Variants in ZFYVE26 observed in about 807,000 individuals in gnomAD.
ZFYVE26 encodes zinc finger FYVE-type containing 26.
ZFYVE26 carries 181 observed loss-of-function variants against 276.5 expected under a neutral mutation model. That is an observed-to-expected ratio of 0.65 (90% CI 0.58 to 0.74). The LOEUF is 0.74. Ranked by LOEUF, ZFYVE26 falls within the 30% of genes least tolerant of loss-of-function variation. The pLI is 0.00. For missense variants in ZFYVE26, 2,821 were observed against 3,097.9 expected (o/e 0.91, Z 2.12); for synonymous variants, 1,129 against 1,203.1 (o/e 0.94, Z 1.27).
chr14:67,741,041 G>A (rs542887464), intron 13 of ZFYVE26, among the ~76,000 whole-genome samples: 9 of 152,150 alleles, frequency 5.9e-5, no homozygotes, highest in Admixed American at 3.3e-4. Context: ...AATGATACCC[G>A]TTTTAATGCA....
chr14:67,761,640 A>T (rs751494283), intron 34 of ZFYVE26, 56 bp from the exon 35 acceptor site: 6 of 1,495,104 alleles, frequency 4.0e-6, no homozygotes. Flanking sequence ...CTCAGCAGGC[A>T]CTGAAAATAT....
chr14:67,802,400 C>T (rs2040096824), intron 9 of ZFYVE26, 118 bp from the exon 10 acceptor site: 6 of 1,010,472 alleles, frequency 5.9e-6, no homozygotes, highest in South Asian at 5.5e-5. Context: ...TTCTTACCCT[C>T]TCTCCTTTCT....
chr14:67,807,303 C>A lies in ZFYVE26; in HGVS notation c.886+95G>T, dbSNP rs181572. The A allele has an allele frequency of 9.5e-4, 1,485 of 1,558,012 alleles. 16 individuals carry two copies. The African/African-American group carries it at 0.018, about 19-fold the overall frequency. ...TGCTTAGCCTCCCCTATTAGATGTCCTGAGCCACACGGAAGGCAGCAGTCT... is the reference window on the plus strand; with the variant it reads ...TGCTTAGCCTCCCCTATTAGATGTCATGAGCCACACGGAAGGCAGCAGTCT... On this transcript the variant is annotated intron_variant, in intron 5 of 41. Coordinates refer to ENST00000347230, the MANE Select transcript of ZFYVE26 (RefSeq NM_015346.4).
In ZFYVE26 at chr14:67,784,302, C is replaced by G. The variant is rs201428644; in HGVS notation, c.3626+32G>C. 4.5e-4 allele frequency: 713 copies of G among 1,579,680 alleles called. 6 individuals are homozygous for G. In the African/African-American group the frequency reaches 5.1e-3, roughly 11 times the overall value. On this transcript the variant is annotated intron_variant, in intron 20 of 41. Transcript: ENST00000347230. Reference sequence around the variant, plus strand: ...TATATTGATGAAATCATCCGAAGGCCCATGGCTGACTTGCATGGAGGTGGC... The same window carrying G: ...TATATTGATGAAATCATCCGAAGGCGCATGGCTGACTTGCATGGAGGTGGC...
rs911401179 is a variant in ZFYVE26, at chr14:67,798,296, T to A, written c.1966A>T (p.Ser656Cys). Residue 656 changes from serine to cysteine, a missense_variant, in exon 11 of 42, where the codon AGT (serine) becomes TGT (cysteine). Physicochemically the swap from Ser to Cys is moderately radical, Grantham distance 112. Coordinates refer to ENST00000347230, the MANE Select transcript of ZFYVE26 (RefSeq NM_015346.4). ...PSHVKAEPKD[S>C]YPGPHRHSFL... ...CTGTGCCTATGAGGCCCTGGGTAAC[T>A]GTCTTTTGGCTCTGCCTTCACATGG... The A allele has an allele frequency of 6.2e-7, 1 of 1,614,080 alleles. No individual in the cohort carries two copies. Among genetic ancestry groups the A allele is most frequent in the Non-Finnish European group, 8.5e-7 (1 of 1,180,020 alleles).
chr14:67,761,300 G>C, intron 35 of ZFYVE26, 66 bp downstream of exon 35: 1 of 1,450,814 alleles, frequency 6.9e-7, no homozygotes, highest in Non-Finnish European at 9.5e-7. Flanking sequence ...TCCCGCTTAA[G>C]GCTGAGTGGT....
rs199735522 is a variant in ZFYVE26 at position 67,751,079 on chromosome 14, G to A, written c.7389C>T (p.Ile2463=). The A allele has an allele frequency of 2.5e-6, 4 of 1,614,188 alleles. No individual in the cohort carries two copies. The African/African-American group carries it at 4.0e-5, about 16-fold the overall frequency. The change falls in exon 41 of 42, where the codon ATC becomes ATT. Residue 2463 remains isoleucine, a synonymous_variant. Coordinates refer to ENST00000347230, the MANE Select transcript of ZFYVE26 (RefSeq NM_015346.4). ...RIPPQELEGL[I]QAIHNDDNKV... ...TGTTGTCATCATTGTGTATTGCCTG[G>A]ATCAGGCCCTCCAGCTCCTGTGCAG...
intron 10 of ZFYVE26, among the ~76,000 whole-genome samples, chr14:67,800,766 T>C (rs146914811): frequency 6.6e-6 from 1 of 152,278 alleles, no homozygotes; most frequent in African/African-American, 2.4e-5. Flanking sequence ...AGTAAGCCTT[T>C]AGCTCTAAGG....
chr14:67,729,822 G>A (rs779051905), intron 13 of ZFYVE26: 1 of 478,242 alleles, frequency 2.1e-6, no homozygotes, highest in Non-Finnish European at 4.2e-6. Flanking sequence ...GGCACTATCT[G>A]TTGAAATATA....
chr14:67,798,326 G>T lies in ZFYVE26; in HGVS notation c.1936C>A (p.Pro646Thr), dbSNP rs778912833. ...GVPKTLAYTMPSHVKAEPKDS... is the reference protein window; with the variant it reads ...GVPKTLAYTMTSHVKAEPKDS... ...TTTGGCTCTGCCTTCACATGGCTTG[G>T]CATTGTATAAGCAAGGGTCTTTGGG... The change falls in exon 11 of 42, where the codon CCA (proline) becomes ACA (threonine). Residue 646 changes from proline to threonine, a missense_variant. Physicochemically the swap from Pro to Thr is conservative, Grantham distance 38. Transcript: ENST00000347230. The T allele has an allele frequency of 6.2e-7, 1 of 1,613,448 alleles. No individual in the cohort carries two copies. Among genetic ancestry groups the T allele is most frequent in the Non-Finnish European group, 8.5e-7 (1 of 1,179,716 alleles).
chr14:67,755,314 G>T, intron 36 of ZFYVE26, 64 bp from the exon 37 acceptor site: 1 of 1,573,714 alleles, frequency 6.4e-7, no homozygotes, highest in South Asian at 1.1e-5. Context: ...GGGGTGTGAT[G>T]AGAATTCTCA....
Position 67,762,782 on chromosome 14 carries a change from C to T in ZFYVE26, c.6049G>A (p.Ala2017Thr), listed in dbSNP as rs373111460. 6.2e-7 allele frequency: 1 copy of T among 1,614,060 alleles called. No individual in the cohort carries two copies. Among genetic ancestry groups the T allele is most frequent in the African/African-American group, 1.3e-5 (1 of 74,946 alleles). ...SKVDVLNILV[A>T]AAYRHVPSLD... ...GATGGCACGTGGCGATAGGCAGCAG[C>T]AACTAAAATATTCAGCACATCTACC... is the stretch of plus-strand genomic sequence containing the variant. The change falls in exon 33 of 42, where the codon GCT becomes ACT. Residue 2017 changes from alanine to threonine, a missense_variant. Coordinates refer to ENST00000347230, the MANE Select transcript of ZFYVE26 (RefSeq NM_015346.4).
At chr14:67,778,701 TA>T (rs1343824163) in intron 23 of ZFYVE26, among the ~76,000 whole-genome samples, 2 of 152,194 alleles carry the variant, frequency 1.3e-5, no homozygotes, top group African/African-American at 4.8e-5. Context: ...GGTTGGATTC[TA>T]CCCATGTTCC....
At chr14:67,732,985 C>T (rs953260411) in intron 13 of ZFYVE26, among the ~76,000 whole-genome samples, 5 of 151,904 alleles carry the variant, frequency 3.3e-5, no homozygotes, top group South Asian at 2.1e-4. Flanking sequence ...ATGGGGGGAG[C>T]GGGGAGGGAT....
At position 67,793,734 on chromosome 14, in the gene ZFYVE26, G is replaced by A. The variant is rs144063215; in HGVS notation, c.2427C>T (p.Gly809=). ...TSEGSLSAMS[G]RNELHSRLHP... is the part of the protein sequence containing the mutation. The stretch of plus-strand genomic sequence containing the variant: ...GCAATCTACTGTGCAGCTCATTCCG[G>A]CCAGACATGGCACTCAGACTTCCCT... The change falls in exon 14 of 42, where the codon GGC becomes GGT. Residue 809 remains glycine (G), a synonymous_variant. Coordinates refer to ENST00000347230, the MANE Select transcript of ZFYVE26 (RefSeq NM_015346.4). 386 of 1,613,914 alleles carry A rather than the reference G, an allele frequency of 2.4e-4. 2 individuals carry two copies. In the East Asian group the frequency reaches 8.2e-3, roughly 34 times the overall value.
chr14:67,778,459 G>T (rs940954747), intron 23 of ZFYVE26: 3 of 580,012 alleles, frequency 5.2e-6, no homozygotes, highest in Non-Finnish European at 9.1e-6. Context: ...CAGACACTTG[G>T]TGTCAACCCT....
At chr14:67,748,739 T>TC in intron 41 of ZFYVE26, 100 bp from the exon 42 acceptor site, 1 of 1,202,118 alleles carries the variant, frequency 8.3e-7, no homozygotes, top group Non-Finnish European at 1.2e-6. Context: ...ACACCATGTC[T>TC]CACCTGCCAC....
rs772532225 is a variant in ZFYVE26 at position 67,766,382 on chromosome 14, G to A, written c.5856C>T (p.His1952=). Residue 1952 remains histidine, a synonymous_variant, in exon 32 of 42, where the codon CAC becomes CAT. Coordinates refer to ENST00000347230, the MANE Select transcript of ZFYVE26 (RefSeq NM_015346.4). ...GCCTGCAGCAGTGCTCAATCAGCTG[G>A]TGACCACAGGCAATGCTGTCCCGGT... ...NLHRDSIACG[H]QLIEHCCRLS... 12 of 1,612,806 alleles carry A rather than the reference G, an allele frequency of 7.4e-6. No individual in the cohort carries two copies. The South Asian group carries it at 1.3e-4, about 18-fold the overall frequency.
chr14:67,781,652 AAG>A, intron 21 of ZFYVE26, 123 bp from the exon 22 acceptor site: 2 of 870,182 alleles, frequency 2.3e-6, no homozygotes, highest in Non-Finnish European at 1.8e-6. Context: ...GAGGATCCTT[AAG>A]ATGGATGTGA....
Sources: allele counts gnomAD v4.1 joint callset (sites outside exome capture counted in the v4.1 genomes callset), GRCh38; gene constraint gnomAD v4.1.1; transcripts MANE v1.5; gene names NCBI Gene and HGNC (gene_info 2026-07-23, HGNC 2026-07-21).